Variants in ANXA1 observed in about 807,000 individuals in gnomAD.
ANXA1 encodes the protein annexin I (lipocortin I).
Under a neutral mutation model 47.9 loss-of-function variants are expected in ANXA1, and 39 were observed. The ratio of observed to expected loss-of-function variants is 0.81; its 90% CI spans 0.63 to 1.06. ANXA1 has a LOEUF of 1.06. Ranked by LOEUF, ANXA1 falls within the 50% of genes least tolerant of loss-of-function variation. The pLI, the probability that ANXA1 is intolerant of heterozygous loss-of-function variation, is 0.00. For synonymous variants in ANXA1, 146 were observed against 142.5 expected (o/e 1.02, Z -0.17); for missense variants, 446 against 422.7 (o/e 1.06, Z -0.48).
At chr9:73,161,341 G>T (rs1411740892) in intron 6 of ANXA1, among the ~76,000 whole-genome samples, 1 of 152,036 alleles carries the variant, frequency 6.6e-6, no homozygotes, top group Non-Finnish European at 1.5e-5. Context: ...AAAAAGTAAA[G>T]AATTAGGTGC....
At chr9:73,155,041 ACT>A (rs1824026845) in intron 1 of ANXA1, among the ~76,000 whole-genome samples, 1 of 151,916 alleles carries the variant, frequency 6.6e-6, no homozygotes, top group South Asian at 2.1e-4. Context: ...AAGCGGGGGG[ACT>A]CTCTTAGGAC....
In ANXA1 at chr9:73,170,311, T is replaced by TA. The variant is rs1824302757; in HGVS notation, c.*208dup. 19 of 390,154 alleles carry TA rather than the reference T, an allele frequency of 4.9e-5. No individual in the cohort carries two copies. Among genetic ancestry groups the TA allele is most frequent in the Admixed American group, 1.3e-4 (3 of 23,844 alleles). 24.2% of individuals were successfully genotyped at this position (390,154 alleles called of 1,614,324 possible). A position where few individuals can be genotyped will look rare whatever the true frequency, so the allele number is the denominator to read the frequency against. On this transcript the variant is annotated 3_prime_UTR_variant, in exon 13 of 13. Transcript: ENST00000257497. ...TTTTAAAAATGTTTTCCCCAAACCA[T>TA]AAAACCCTATACAAGTTGTTCTAGT...
In ANXA1 at chr9:73,170,036, T is replaced by C; in HGVS notation, c.985-15T>C. 6.3e-7 allele frequency: 1 copy of C among 1,595,154 alleles called. No individual in the cohort carries two copies. The highest frequency in any genetic ancestry group is 8.5e-7 in the Non-Finnish European group (1 of 1,171,274). Reference sequence around the variant, plus strand: ...TTTCGACTAACATTAAGTATACCTTTTTTTGAATCAACAGGATGAAACCAA... The same window carrying C: ...TTTCGACTAACATTAAGTATACCTTCTTTTGAATCAACAGGATGAAACCAA... On this transcript the variant is annotated splice_polypyrimidine_tract_variant and intron_variant, in intron 12 of 12. Coordinates refer to ENST00000257497, the MANE Select transcript of ANXA1 (RefSeq NM_000700.3).
At position 73,152,241 on chromosome 9, in the gene ANXA1, T is replaced by C. The variant is rs79551665; in HGVS notation, c.-15+317T>C. Among the ~76,000 whole-genome samples, 421 of 152,240 alleles carry C rather than the reference T, an allele frequency of 2.8e-3. 1 individual carries two copies. The highest frequency in any genetic ancestry group is 9.7e-3 in the African/African-American group (405 of 41,556). On this transcript the variant is annotated intron_variant, in intron 1 of 12. Coordinates refer to ENST00000257497, the MANE Select transcript of ANXA1 (RefSeq NM_000700.3). The stretch of plus-strand genomic sequence containing the variant: ...TTTCCCTCTGGTAGCCTTAAAAGAA[T>C]GTGTTTTTCCTTTCCTTCCCCTTGA...
At position 73,160,263 on chromosome 9, in the gene ANXA1, C is replaced by A. The variant is rs756050061; in HGVS notation, c.271C>A (p.Pro91Thr). 2.6e-6 allele frequency: 4 copies of A among 1,543,720 alleles called. No individual in the cohort carries two copies. The highest frequency in any genetic ancestry group is 1.4e-5 in the African/African-American group (1 of 69,788). Residue 91 changes from proline (P) to threonine (T), a missense_variant and splice_region_variant, in exon 5 of 13, where the codon CCC becomes ACC. By Grantham distance (38) the Pro-to-Thr change is conservative. Transcript: ENST00000257497. ...KAAYLQETGK[P>T]LDETLKKALT... The stretch of plus-strand genomic sequence containing the variant: ...CTGATTCTAATCTTTTTTTTTGTAG[C>A]CCCTGGATGAAACACTGAAGAAAGC...
chr9:73,166,818 T>C (rs184940362), intron 10 of ANXA1, among the ~76,000 whole-genome samples: 1 of 152,262 alleles, frequency 6.6e-6, no homozygotes, highest in Admixed American at 6.5e-5. Flanking sequence ...AAGCTCCCCA[T>C]TGATGCCAAT....
chr9:73,158,494 T>G (rs374463316), intron 1 of ANXA1, 28 bp from the exon 2 acceptor site: 7 of 1,581,190 alleles, frequency 4.4e-6, no homozygotes, highest in Non-Finnish European at 6.1e-6. Flanking sequence ...ATTTGTTTTG[T>G]AAAAGCATCT....
intron 1 of ANXA1, among the ~76,000 whole-genome samples, chr9:73,152,768 G>A (rs1449928003): frequency 6.6e-6 from 1 of 152,142 alleles, no homozygotes; most frequent in African/African-American, 2.4e-5. Context: ...CTAAAGAAGA[G>A]TATTTACTAG....
Position 73,167,531 on chromosome 9 carries a change from A to C in ANXA1, c.837A>C (p.Ala279=), listed in dbSNP as rs200843894. 3 of 1,613,500 alleles carry C rather than the reference A, an allele frequency of 1.9e-6. No individual in the cohort carries two copies. In the African/African-American group the frequency reaches 4.0e-5, roughly 22 times the overall value. Residue 279 remains alanine, a synonymous_variant, in exon 11 of 13, where the codon GCA becomes GCC. Transcript: ENST00000257497. ...KCATSKPAFF[A]EKLHQAMKGV... Reference sequence around the variant, plus strand: ...CCACAAGCAAACCAGCTTTCTTTGCAGAGAAGCTTCATCAAGCCATGAAAG... The same window carrying C: ...CCACAAGCAAACCAGCTTTCTTTGCCGAGAAGCTTCATCAAGCCATGAAAG...
intron 4 of ANXA1, 97 bp from the exon 5 acceptor site, chr9:73,160,166 G>T: frequency 2.7e-6 from 2 of 729,678 alleles, no homozygotes; most frequent in Admixed American, 6.2e-5. Context: ...TGGGTTTAGG[G>T]ATGAGTTGTA....
Position 73,170,319 on chromosome 9 carries a change from T to TAA in ANXA1, c.*213_*214insAA, listed in dbSNP as rs1824302964. On this transcript the variant is annotated 3_prime_UTR_variant, in exon 13 of 13. Transcript: ENST00000257497. ...ATGTTTTCCCCAAACCATAAAACCC[T>TAA]ATACAAGTTGTTCTAGTAACAATAC... 4.8e-5 allele frequency: 18 copies of TAA among 376,334 alleles called. No individual in the cohort carries two copies. The highest frequency in any genetic ancestry group is 1.3e-4 in the Admixed American group (3 of 23,290). The allele number at this position is 376,334 out of a possible 1,614,324, so 23.3% of individuals were successfully genotyped here.
In ANXA1 at chr9:73,163,478, T is replaced by TCTGAG; in HGVS notation, c.558_559insCTGAG (p.Asp187LeufsTer10). ...CAATAGAATGGGATTTCTTTCAGGGTGACCGATCTGAGGACTTTGGTGTGA... is the reference window on the plus strand; with the variant it reads ...CAATAGAATGGGATTTCTTTCAGGGTCTGAGGACCGATCTGAGGACTTTGGTGTGA... On this transcript the variant is annotated frameshift_variant, in exon 8 of 13. Coordinates refer to ENST00000257497, the MANE Select transcript of ANXA1 (RefSeq NM_000700.3). LOFTEE classifies it high-confidence loss of function. 1.2e-6 allele frequency: 2 copies of TCTGAG among 1,612,854 alleles called. No homozygotes were observed. Among genetic ancestry groups the TCTGAG allele is most frequent in the Non-Finnish European group, 1.7e-6 (2 of 1,179,128 alleles).
rs182642121 is a variant in ANXA1, at chr9:73,159,432, G to C, written c.270+9G>C. ...TCCAGGAAACAGGAAAGGTAAGTTA[G>C]AGTGGTAAATTTAGATATTTAATTT... On this transcript the variant is annotated intron_variant, in intron 4 of 12. Coordinates refer to ENST00000257497, the MANE Select transcript of ANXA1 (RefSeq NM_000700.3). 16 of 1,608,080 alleles carry C rather than the reference G, an allele frequency of 9.9e-6. No homozygotes were observed. In the South Asian group the frequency reaches 1.8e-4, roughly 18 times the overall value.
In ANXA1 at chr9:73,166,132, A is replaced by G. The variant is rs762557361; in HGVS notation, c.742A>G (p.Met248Val). The stretch of plus-strand genomic sequence containing the variant: ...ATACACCAAGTACAGTAAGCATGAC[A>G]TGAACAAAGTTCTGGACCTGGAGTT... ...QKYTKYSKHD[M>V]NKVLDLELKG... Residue 248 changes from methionine to valine, a missense_variant, in exon 10 of 13, where the codon ATG (methionine) becomes GTG (valine). By Grantham distance (21) the Met-to-Val change is conservative. Coordinates refer to ENST00000257497, the MANE Select transcript of ANXA1 (RefSeq NM_000700.3). The G allele has an allele frequency of 6.2e-7, 1 of 1,612,552 alleles. No individual in the cohort carries two copies.
intron 6 of ANXA1, among the ~76,000 whole-genome samples, chr9:73,162,014 A>G (rs891733093): frequency 1.3e-5 from 2 of 152,288 alleles, no homozygotes; most frequent in East Asian, 3.9e-4. Context: ...ACTTCTACTC[A>G]TGGCAGAAAG....
chr9:73,160,408 C>T (rs1824119027), intron 5 of ANXA1, 32 bp downstream of exon 5: 4 of 1,464,346 alleles, frequency 2.7e-6, no homozygotes, highest in Middle Eastern at 1.8e-4. Context: ...AACTCCTTTC[C>T]TCAAGAGGAT....
intron 3 of ANXA1, 75 bp downstream of exon 3, chr9:73,158,878 C>A: frequency 8.8e-7 from 1 of 1,140,928 alleles, no homozygotes; most frequent in Non-Finnish European, 1.3e-6. Context: ...AAAAAACAGA[C>A]ATGTGCAATG....
At position 73,163,513 on chromosome 9, in the gene ANXA1, T is replaced by C; in HGVS notation, c.593T>C (p.Leu198Ser). The C allele has an allele frequency of 1.2e-6, 2 of 1,612,956 alleles. No homozygotes were observed. Among genetic ancestry groups the C allele is most frequent in the Non-Finnish European group, 1.7e-6 (2 of 1,179,188 alleles). Residue 198 changes from leucine to serine, a missense_variant, in exon 8 of 13, where the codon TTG (leucine) becomes TCG (serine). Transcript: ENST00000257497. Reference sequence around the variant, plus strand: ...GAGGACTTTGGTGTGAATGAAGACTTGGCTGATTCAGATGCCAGGGTAAGG... The same window carrying C: ...GAGGACTTTGGTGTGAATGAAGACTCGGCTGATTCAGATGCCAGGGTAAGG... ...RSEDFGVNEDLADSDARALYE... is the reference protein window; with the variant it reads ...RSEDFGVNEDSADSDARALYE...
intron 7 of ANXA1, among the ~76,000 whole-genome samples, chr9:73,163,079 G>A (rs1824170173): frequency 6.6e-6 from 1 of 152,154 alleles, no homozygotes; most frequent in Non-Finnish European, 1.5e-5. Flanking sequence ...AGAGGAAAGG[G>A]AGCTGGTGTG....
Sources: allele counts gnomAD v4.1 joint callset (sites outside exome capture counted in the v4.1 genomes callset), GRCh38; gene constraint gnomAD v4.1.1; transcripts MANE v1.5; gene names NCBI Gene and HGNC (gene_info 2026-07-23, HGNC 2026-07-21).